PMM2: variants seen among roughly 807,000 people sequenced by gnomAD.
PMM2 encodes phosphomannomutase 2, also known as mannose-6-phosphate isomerase.
PMM2 carries 35 observed loss-of-function variants against 33.2 expected under a neutral mutation model. That is an observed-to-expected ratio of 1.06 (90% CI 0.81 to 1.40). The LOEUF (loss-of-function observed/expected upper bound fraction) is 1.40. PMM2 is among the 40% of genes most tolerant of loss of function. PMM2 has a pLI of 0.00. For missense variants in PMM2, 386 were observed against 306.0 expected, an observed-to-expected ratio of 1.26 and a Z score of -1.95; for synonymous variants, 153 against 114.7, an observed-to-expected ratio of 1.33 and a Z score of -2.13.
chr16:8,843,060 G>T (rs1030949224), intron 7 of PMM2, among the ~76,000 whole-genome samples: 5 of 152,084 alleles, frequency 3.3e-5, no homozygotes, highest in Admixed American at 2.6e-4. Flanking sequence ...AAAATATCTC[G>T]GCCTAATAAG....
intron 7 of PMM2, among the ~76,000 whole-genome samples, chr16:8,843,025 A>G (rs886595974): frequency 1.1e-4 from 17 of 152,170 alleles, no homozygotes; most frequent in African/African-American, 4.1e-4. Context: ...GTCCAGGAAT[A>G]GTCAGGGAAG....
rs750862179 is a variant in PMM2, at chr16:8,813,011, G to A, written c.544G>A (p.Val182Ile). 1.1e-5 allele frequency: 17 copies of A among 1,612,222 alleles called. 1 individual carries two copies. The highest frequency in any genetic ancestry group is 8.8e-5 in the South Asian group (8 of 91,034). Residue 182 changes from valine to isoleucine, a missense_variant, in exon 7 of 8, where the codon GTC becomes ATC. By Grantham distance (29) the Val-to-Ile change is conservative. Coordinates refer to ENST00000268261, the MANE Select transcript of PMM2 (RefSeq NM_000303.3). ...GGCAGGAGGCCAGATCAGCTTTGAT[G>A]TCTTTCCTGATGGATGGGACAAGAG... ...FSIGGQISFDVFPDGWDKRYC... is the reference protein window; with the variant it reads ...FSIGGQISFDIFPDGWDKRYC...
intron 7 of PMM2, among the ~76,000 whole-genome samples, chr16:8,827,669 T>G (rs2060777394): frequency 7.2e-6 from 1 of 138,254 alleles, no homozygotes; most frequent in Non-Finnish European, 1.5e-5. Flanking sequence ...GTGCTGGGAT[T>G]ACAGGCATGA....
intron 7 of PMM2, among the ~76,000 whole-genome samples, chr16:8,838,939 C>G (rs1169925308): frequency 6.6e-6 from 1 of 151,834 alleles, no homozygotes; most frequent in Non-Finnish European, 1.5e-5. Context: ...AGCAAGGCCT[C>G]GGTGGTTTTG....
At chr16:8,830,280 A>G (rs372453560) in intron 7 of PMM2, among the ~76,000 whole-genome samples, 12 of 152,216 alleles carry the variant, frequency 7.9e-5, no homozygotes, top group African/African-American at 2.6e-4. Flanking sequence ...TGAGCCCCCA[A>G]ATTTGTAACC....
intron 7 of PMM2, among the ~76,000 whole-genome samples, chr16:8,841,750 ATCAGAGAAACACAGTCATGGGGG>A (rs1170541086): frequency 8.7e-6 from 1 of 115,054 alleles, no homozygotes; most frequent in East Asian, 2.5e-4. Context: ...TGTCAGGTGG[ATCAGAGAAACACAGTCATGGGGG>A]TCAGGTGTGG....
At chr16:8,803,933 C>T (rs1460927358) in intron 2 of PMM2, among the ~76,000 whole-genome samples, 1 of 151,622 alleles carries the variant, frequency 6.6e-6, no homozygotes, top group African/African-American at 2.4e-5. Context: ...ATCTGGCCAC[C>T]TTGGCCTCCC....
At chr16:8,819,376 T>A (rs1019890207) in intron 7 of PMM2, among the ~76,000 whole-genome samples, 1 of 152,244 alleles carries the variant, frequency 6.6e-6, no homozygotes, top group Non-Finnish European at 1.5e-5. Flanking sequence ...TTTCTCTTTT[T>A]GTTAGCTTAT....
intron 1 of PMM2, among the ~76,000 whole-genome samples, chr16:8,798,863 A>G (rs113472048): frequency 6.6e-6 from 1 of 152,166 alleles, no homozygotes; most frequent in African/African-American, 2.4e-5. Flanking sequence ...GGTGGTAACA[A>G]TGGTGTGCTC....
chr16:8,844,357 C>G lies in PMM2; in HGVS notation c.640-3367C>G, dbSNP rs570617706. ...GAAGGGGTTTGGGGGTTCTTACCCT[C>G]CAGAAAAGCGGGAAAGGGGTTGGGG... On this transcript the variant is annotated intron_variant, in intron 7 of 7. Transcript: ENST00000268261. Among the ~76,000 whole-genome samples, 8 of 151,780 alleles carry G rather than the reference C, an allele frequency of 5.3e-5. No individual in the cohort carries two copies. In the East Asian group the frequency reaches 1.2e-3, roughly 22 times the overall value.
intron 7 of PMM2, among the ~76,000 whole-genome samples, chr16:8,835,347 G>T (rs927861114): frequency 1.3e-5 from 2 of 150,776 alleles, no homozygotes. Flanking sequence ...GTAACAGATG[G>T]GGATGAAATT....
intron 6 of PMM2, among the ~76,000 whole-genome samples, chr16:8,812,762 G>C (rs1037895126): frequency 6.6e-6 from 1 of 152,152 alleles, no homozygotes; most frequent in African/African-American, 2.4e-5. Context: ...ACTCTGAGTT[G>C]GCATTCTGTG....
At chr16:8,840,760 G>A (rs539361400) in intron 7 of PMM2, among the ~76,000 whole-genome samples, 8 of 151,942 alleles carry the variant, frequency 5.3e-5, no homozygotes, top group South Asian at 2.1e-4. Context: ...GACAGCAGTC[G>A]GGGTACTATA....
intron 7 of PMM2, among the ~76,000 whole-genome samples, chr16:8,846,258 G>A (rs1237484807): frequency 6.6e-6 from 1 of 152,166 alleles, no homozygotes; most frequent in Admixed American, 6.5e-5. Flanking sequence ...ATTTCCAGAG[G>A]CAATTAATTC....
intron 7 of PMM2, among the ~76,000 whole-genome samples, chr16:8,841,965 T>C (rs4985004): frequency 0.89 from 124,011 of 138,706 alleles, 55,110 homozygotes; most frequent in East Asian, 0.92. Flanking sequence ...TGAGCATAGT[T>C]TGTGATTTTT....
intron 5 of PMM2, 86 bp downstream of exon 5, chr16:8,811,264 C>G: frequency 1.0e-6 from 1 of 958,738 alleles, no homozygotes; most frequent in Non-Finnish European, 1.6e-6. Context: ...GCCTGTAATC[C>G]CAACACTTTG....
intron 7 of PMM2, among the ~76,000 whole-genome samples, chr16:8,818,632 C>T (rs1319659892): frequency 6.6e-6 from 1 of 152,202 alleles, no homozygotes; most frequent in Non-Finnish European, 1.5e-5. Flanking sequence ...CAGCCTCTTC[C>T]AGCAGCACAG....
chr16:8,811,748 T>A, intron 6 of PMM2, 35 bp downstream of exon 6: 1 of 1,413,996 alleles, frequency 7.1e-7, no homozygotes, highest in Non-Finnish European at 1.0e-6. Context: ...CAAACTTGGA[T>A]ACCCATTTCC....
chr16:8,843,708 G>A (rs1212785288), intron 7 of PMM2, among the ~76,000 whole-genome samples: 2 of 152,190 alleles, frequency 1.3e-5, no homozygotes, highest in Non-Finnish European at 2.9e-5. Flanking sequence ...GGTTAATTAA[G>A]TCCTGTTGTG....
Sources: gnomAD v4.1 joint callset for allele counts (sites outside exome capture counted in the v4.1 genomes callset) on GRCh38, gnomAD v4.1.1 for gene constraint, MANE v1.5 for transcripts, NCBI Gene and HGNC (gene_info 2026-07-23, HGNC 2026-07-21) for gene names.